The following ZNF680 variants were observed in gnomAD, a reference collection of about 807,000 sequenced individuals.
ZNF680 encodes the protein zinc finger protein 680, also known as hypothetical protein FLJ90430.
In ZNF680, 6 loss-of-function variants were observed where a neutral mutation model predicts 12.1. That is an observed-to-expected ratio of 0.49 (90% confidence interval 0.27 to 0.98). The LOEUF is 0.98. Among genes scored for constraint, ZNF680 ranks in the 50% least tolerant of loss-of-function variants. The pLI is 0.12. For synonymous variants in ZNF680, 170 were observed against 199.3 expected (o/e 0.85, Z 1.24); for missense variants, 561 against 616.3 (o/e 0.91, Z 0.95).
chr7:64,533,929 C>T (rs11768668), intron 3 of ZNF680, among the ~76,000 whole-genome samples: 34,333 of 152,030 alleles, frequency 0.23, 4,065 homozygotes, highest in South Asian at 0.29. Context: ...AAACCCTTTT[C>T]AACAAAAGGT....
the ZNF680 span, among the ~76,000 whole-genome samples, chr7:64,512,438 A>T: frequency 7.5e-5 from 11 of 146,344 alleles, no homozygotes; most frequent in African/African-American, 2.8e-4. Context: ...GGGCAACAAG[A>T]GCAAAACTCC....
chr7:64,507,291 T>C, the ZNF680 span, among the ~76,000 whole-genome samples: 1 of 152,102 alleles, frequency 6.6e-6, no homozygotes, highest in Non-Finnish European at 1.5e-5. Context: ...CTGGGGGTGG[T>C]TGGAAGGAAA....
At chr7:64,524,652 C>A (rs977878647) in intron 3 of ZNF680, 1 of 151,874 alleles carries the variant, frequency 6.6e-6, no homozygotes, top group African/African-American at 2.4e-5. Flanking sequence ...GTAAAGAAAC[C>A]GGACTTGAAG....
chr7:64,518,841 C>T (rs1405118711), downstream of ZNF680, among the ~76,000 whole-genome samples: 2 of 151,868 alleles, frequency 1.3e-5, no homozygotes, highest in East Asian at 3.9e-4. Context: ...CAAAAATAAA[C>T]TCAAGATAGA....
At chr7:64,514,781 T>C in the ZNF680 span, among the ~76,000 whole-genome samples, 1 of 152,204 alleles carries the variant, frequency 6.6e-6, no homozygotes, top group Non-Finnish European at 1.5e-5. Flanking sequence ...TGGTGGCTCA[T>C]GCCTATAATC....
At chr7:64,511,618 C>T in the ZNF680 span, among the ~76,000 whole-genome samples, 2 of 124,602 alleles carry the variant, frequency 1.6e-5, no homozygotes, top group Non-Finnish European at 3.2e-5. Context: ...TGCCCTTGCC[C>T]AAACCCAGAC....
Position 64,520,165 on chromosome 7 carries a change from G to GA in ZNF680, c.*995dup, listed in dbSNP as rs977557377. The GA allele has an allele frequency of 4.0e-5, 6 of 151,392 alleles. No homozygotes were observed. The highest frequency in any genetic ancestry group is 6.6e-5 in the Admixed American group (1 of 15,194). The allele number at this position is 151,392 out of a possible 1,614,324, so 9.4% of individuals were successfully genotyped here. ...ATTTTAATGCCCATACTCTTCCACA[G>GA]AAAAAACCATAAATAATGCCCATCT... On this transcript the variant is annotated 3_prime_UTR_variant, in exon 4 of 4. Transcript: ENST00000309683.
At chr7:64,518,690 A>C (rs893427427), downstream of ZNF680, among the ~76,000 whole-genome samples, 1 of 152,070 alleles carries the variant, frequency 6.6e-6, no homozygotes, top group Non-Finnish European at 1.5e-5. Flanking sequence ...ATAAAACCAA[A>C]TACTTACAGC....
chr7:64,522,758 G>C (rs1159239766), intron 3 of ZNF680, among the ~76,000 whole-genome samples: 1 of 151,886 alleles, frequency 6.6e-6, no homozygotes, highest in Admixed American at 6.6e-5. Context: ...AGAATCTTGT[G>C]AGTTGCAGTA....
intron 1 of ZNF680, among the ~76,000 whole-genome samples, chr7:64,549,010 C>G (rs921338525): frequency 3.3e-5 from 5 of 151,768 alleles, no homozygotes; most frequent in African/African-American, 4.8e-5. Flanking sequence ...ATCCCAGCTA[C>G]TCAGGAGGCT....
rs1203651939 is a variant in ZNF680 at position 64,553,115 on chromosome 7, A to G, written c.31-8683T>C. On this transcript the variant is annotated intron_variant, in intron 1 of 3. Coordinates refer to ENST00000309683, the MANE Select transcript of ZNF680 (RefSeq NM_178558.5). ...ACTCCAGCCTGGGGGACAAAGTAAC[A>G]CTCTATCTCAAAAAAAAAAAAAAAA... Among the ~76,000 whole-genome samples the G allele has an allele frequency of 2.9e-5, 4 of 139,948 alleles. No homozygotes were observed. In the Admixed American group the frequency reaches 3.0e-4, roughly 10 times the overall value. The allele number at this position is 139,948 out of a possible 152,430, so 91.8% of individuals were successfully genotyped here.
intron 3 of ZNF680, among the ~76,000 whole-genome samples, chr7:64,538,322 A>G (rs905926950): frequency 2.6e-4 from 39 of 152,372 alleles, no homozygotes; most frequent in African/African-American, 9.1e-4. Flanking sequence ...CATTCAAAAG[A>G]GTAATGATGC....
At chr7:64,526,503 C>T in intron 3 of ZNF680, 1 of 860,042 alleles carries the variant, frequency 1.2e-6, no homozygotes, top group Non-Finnish European at 1.8e-6. Context: ...TCAGCCTGAG[C>T]AACACAGTAA....
intron 3 of ZNF680, among the ~76,000 whole-genome samples, chr7:64,528,907 T>C (rs1024955153): frequency 6.6e-6 from 1 of 152,134 alleles, no homozygotes; most frequent in African/African-American, 2.4e-5. Flanking sequence ...CTAAGAACAC[T>C]GGAAGAGTCC....
the ZNF680 span, among the ~76,000 whole-genome samples, chr7:64,505,524 G>A: frequency 4.6e-5 from 7 of 152,096 alleles, no homozygotes; most frequent in Non-Finnish European, 8.8e-5. Flanking sequence ...TGTAAAACTG[G>A]GCTACCAGAA....
intron 3 of ZNF680, among the ~76,000 whole-genome samples, chr7:64,533,928 T>C (rs1786021897): frequency 6.6e-6 from 1 of 152,144 alleles, no homozygotes; most frequent in Non-Finnish European, 1.5e-5. Context: ...GAAACCCTTT[T>C]CAACAAAAGG....
intron 3 of ZNF680, among the ~76,000 whole-genome samples, chr7:64,532,182 G>A (rs1785919993): frequency 6.6e-6 from 1 of 151,944 alleles, no homozygotes; most frequent in Non-Finnish European, 1.5e-5. Context: ...GTGGGCACCT[G>A]TCGTCCCAGC....
At chr7:64,541,306 G>C (rs1786486868) in intron 3 of ZNF680, among the ~76,000 whole-genome samples, 1 of 152,012 alleles carries the variant, frequency 6.6e-6, no homozygotes, top group African/African-American at 2.4e-5. Context: ...ATAGAAAATA[G>C]AAAGTAAAAA....
At chr7:64,555,329 AAATAT>A (rs1444466044) in intron 1 of ZNF680, among the ~76,000 whole-genome samples, 4 of 137,222 alleles carry the variant, frequency 2.9e-5, no homozygotes, top group African/African-American at 1.1e-4. Flanking sequence ...AGCTTGATAA[AAATAT>A]AATTCAATAC....
Sources: gnomAD v4.1 joint callset for allele counts (sites outside exome capture counted in the v4.1 genomes callset) on GRCh38, gnomAD v4.1.1 for gene constraint, MANE v1.5 for transcripts, NCBI Gene and HGNC (gene_info 2026-07-23, HGNC 2026-07-21) for gene names.